The following IL17C variants were observed in gnomAD, a reference collection of about 807,000 sequenced individuals.
IL17C encodes interleukin-17C.
A neutral mutation model predicts 11.0 loss-of-function variants in IL17C; 13 were observed. That is an observed-to-expected ratio of 1.18 (90% CI 0.77 to 1.88). The LOEUF (loss-of-function observed/expected upper bound fraction) is 1.88, where lower values mean the gene tolerates loss of function less well. IL17C is among the 40% of genes most tolerant of loss of function. The probability of loss-of-function intolerance (pLI) is 0.00; values close to 1 mark genes in which losing one functional copy is unlikely to be tolerated. For synonymous variants in IL17C, 150 were observed against 125.8 expected (o/e 1.19, Z -1.29); for missense variants, 357 against 278.2 (o/e 1.28, Z -2.01).
chr16:88,639,162 C>G lies in IL17C; in HGVS notation c.188C>G (p.Pro63Arg). The change falls in exon 2 of 3, where the codon CCT becomes CGT. Residue 63 changes from proline (P) to arginine (R), a missense_variant. Pro to Arg is a moderately radical substitution (Grantham distance 103). Coordinates refer to ENST00000244241, the MANE Select transcript of IL17C (RefSeq NM_013278.4). The surrounding 1 kb of genome is among the most constrained non-coding windows in gnomAD (Gnocchi z 5.1). ...ARGAKWGQALPVALVSSLEAA... is the reference protein window; with the variant it reads ...ARGAKWGQALRVALVSSLEAA... ...GGTGCCAAGTGGGGGCAGGCTTTGC[C>G]TGTAGCCCTGGTGTCCAGCCTGGAG... 4 of 1,612,914 alleles carry G rather than the reference C, an allele frequency of 2.5e-6. No individual in the cohort carries two copies. Among genetic ancestry groups the G allele is most frequent in the Non-Finnish European group, 3.4e-6 (4 of 1,179,920 alleles).
chr16:88,638,805 C>A, intron 1 of IL17C, 158 bp downstream of exon 1: 1 of 1,257,224 alleles, frequency 8.0e-7, no homozygotes, highest in Non-Finnish European at 1.2e-6. Flanking sequence ...ATCCTCGGAG[C>A]GCTGGCATGC....
Position 88,640,090 on chromosome 16 carries a change from C to T in IL17C, c.*18C>T, listed in dbSNP as rs371162968. The T allele has an allele frequency of 4.4e-5, 68 of 1,530,976 alleles. No individual in the cohort carries two copies. Among genetic ancestry groups the T allele is most frequent in the Non-Finnish European group, 5.8e-5 (66 of 1,138,404 alleles). 94.8% of individuals were successfully genotyped at this position (1,530,976 alleles called of 1,614,324 possible). ...CAGTGTGACCGCCGAGGCCGTGGGG[C>T]CCCTAGACTGGACACGTGTGCTCCC... is the stretch of plus-strand genomic sequence containing the variant. On this transcript the variant is annotated 3_prime_UTR_variant, in exon 3 of 3. Transcript: ENST00000244241.
rs548616717 is a variant in IL17C, at chr16:88,639,913, G to A, written c.435G>A (p.Ala145=). The change falls in exon 3 of 3, where the codon GCG becomes GCA. Residue 145 remains alanine, a synonymous_variant. Coordinates refer to ENST00000244241, the MANE Select transcript of IL17C (RefSeq NM_013278.4). This position sits in a 1 kb window ranked among gnomAD's most constrained non-coding sequence, Gnocchi z 5.1. ...IDARTGRETA[A]LNSVRLLQSL... ...CACGGACGGGCCGCGAGACAGCTGC[G>A]CTCAACTCCGTGCGGCTGCTCCAGA... 360 of 1,610,278 alleles carry A rather than the reference G, an allele frequency of 2.2e-4. 2 individuals carry two copies. The Middle Eastern group carries it at 3.5e-3, about 16-fold the overall frequency.
intron 1 of IL17C, 23 bp downstream of exon 1, chr16:88,638,670 C>G (rs200672338): frequency 6.2e-7 from 1 of 1,613,002 alleles, no homozygotes; most frequent in Non-Finnish European, 8.5e-7. Flanking sequence ...ACATGCCGCT[C>G]GGATGGATGC....
At chr16:88,638,772 G>A in intron 1 of IL17C, 125 bp downstream of exon 1, 1 of 1,448,716 alleles carries the variant, frequency 6.9e-7, no homozygotes, top group Non-Finnish European at 9.7e-7. Context: ...CCCTCAGTCT[G>A]GGGGTAGGGG....
rs1244044381 is a variant in IL17C, at chr16:88,640,399, C to T, written c.*327C>T. The T allele has an allele frequency of 1.2e-5, 4 of 346,228 alleles. No homozygotes were observed. The highest frequency in any genetic ancestry group is 4.3e-5 in the Admixed American group (1 of 23,216). 21.4% of individuals were successfully genotyped at this position (346,228 alleles called of 1,614,324 possible). ...CCCCCGCAGGCTGCCTCTTCCCAACCTCCTTGGAAGTACCCCTGTTTCTTA... is the reference window on the plus strand; with the variant it reads ...CCCCCGCAGGCTGCCTCTTCCCAACTTCCTTGGAAGTACCCCTGTTTCTTA... On this transcript the variant is annotated 3_prime_UTR_variant, in exon 3 of 3. Coordinates refer to ENST00000244241, the MANE Select transcript of IL17C (RefSeq NM_013278.4).
intron 1 of IL17C, 117 bp downstream of exon 1, chr16:88,638,764 C>T: frequency 6.6e-7 from 1 of 1,517,096 alleles, no homozygotes; most frequent in Non-Finnish European, 9.1e-7. Flanking sequence ...TGGGAAACCC[C>T]TCAGTCTGGG....
chr16:88,638,773 G>C, intron 1 of IL17C, 126 bp downstream of exon 1: 2 of 1,463,944 alleles, frequency 1.4e-6, no homozygotes, highest in South Asian at 1.1e-5. Flanking sequence ...CCTCAGTCTG[G>C]GGGTAGGGGA....
At position 88,639,760 on chromosome 16, in the gene IL17C, G is replaced by A. The variant is rs1208603571; in HGVS notation, c.336-54G>A. 2.7e-6 allele frequency: 4 copies of A among 1,468,176 alleles called. No homozygotes were observed. In the South Asian group the frequency reaches 5.4e-5, roughly 20 times the overall value. 90.9% of individuals were successfully genotyped at this position (1,468,176 alleles called of 1,614,324 possible). On this transcript the variant is annotated intron_variant, in intron 2 of 2. Coordinates refer to ENST00000244241, the MANE Select transcript of IL17C (RefSeq NM_013278.4). The surrounding 1 kb of genome is among the most constrained non-coding windows in gnomAD (Gnocchi z 5.1). ...GGAGAGGGGCCCTGAGGGGAGAGGG[G>A]CCTCCAGGAGGACAGGGTAGGGCCA...
chr16:88,639,801 C>T lies in IL17C; in HGVS notation c.336-13C>T, dbSNP rs781634397. 2 of 1,530,636 alleles carry T rather than the reference C, an allele frequency of 1.3e-6. No homozygotes were observed. Among genetic ancestry groups the T allele is most frequent in the African/African-American group, 1.4e-5 (1 of 73,244 alleles). 94.8% of individuals were successfully genotyped at this position (1,530,636 alleles called of 1,614,324 possible). A position where few individuals can be genotyped will look rare whatever the true frequency, so the allele number is the denominator to read the frequency against. ...GGTAGGGCCAGAGACTCACTGTGCA[C>T]CCCGTCCCGCAGTGTGGACACGGAT... On this transcript the variant is annotated splice_polypyrimidine_tract_variant and intron_variant, in intron 2 of 2. Transcript: ENST00000244241. The surrounding 1 kb of genome is among the most constrained non-coding windows in gnomAD (Gnocchi z 5.1).
At position 88,639,105 on chromosome 16, in the gene IL17C, T is replaced by C; in HGVS notation, c.131T>C (p.Leu44Pro). 6.2e-7 allele frequency: 1 copy of C among 1,613,080 alleles called. No homozygotes were observed. Among genetic ancestry groups the C allele is most frequent in the Non-Finnish European group, 8.5e-7 (1 of 1,179,926 alleles). The change falls in exon 2 of 3, where the codon CTC (leucine) becomes CCC (proline). Residue 44 changes from leucine (L) to proline (P), a missense_variant. By Grantham distance (98) the Leu-to-Pro change is moderately conservative. Transcript: ENST00000244241. The surrounding 1 kb of genome is among the most constrained non-coding windows in gnomAD (Gnocchi z 5.1). Reference protein sequence around the residue: ...PHCYSAEELPLGQAPPHLLAR... With the variant: ...PHCYSAEELPPGQAPPHLLAR... The stretch of plus-strand genomic sequence containing the variant: ...TGCTACTCGGCTGAGGAACTGCCCC[T>C]CGGCCAGGCCCCCCCACACCTGCTG...
At position 88,640,161 on chromosome 16, in the gene IL17C, C is replaced by G; in HGVS notation, c.*89C>G. 2 of 1,395,514 alleles carry G rather than the reference C, an allele frequency of 1.4e-6. No homozygotes were observed. Among genetic ancestry groups the G allele is most frequent in the Admixed American group, 2.4e-5 (1 of 41,790 alleles). The allele number at this position is 1,395,514 out of a possible 1,614,324, so 86.4% of individuals were successfully genotyped here. On this transcript the variant is annotated 3_prime_UTR_variant, in exon 3 of 3. Transcript: ENST00000244241. ...TGTGTATTTATTGTTATTTATATGC[C>G]TCCCCCAACACTACCCTTGGGGTCT...
chr16:88,639,775 G>A lies in IL17C; in HGVS notation c.336-39G>A. The A allele has an allele frequency of 6.7e-7, 1 of 1,497,454 alleles. No homozygotes were observed. The highest frequency in any genetic ancestry group is 1.3e-5 in the South Asian group (1 of 76,842). The allele number at this position is 1,497,454 out of a possible 1,614,324, so 92.8% of individuals were successfully genotyped here. On this transcript the variant is annotated intron_variant, in intron 2 of 2. Transcript: ENST00000244241. The surrounding 1 kb of genome is among the most constrained non-coding windows in gnomAD (Gnocchi z 5.1). ...GGGGAGAGGGGCCTCCAGGAGGACA[G>A]GGTAGGGCCAGAGACTCACTGTGCA...
chr16:88,639,681 C>A lies in IL17C; in HGVS notation c.336-133C>A. 8.8e-7 allele frequency: 1 copy of A among 1,140,608 alleles called. No individual in the cohort carries two copies. Among genetic ancestry groups the A allele is most frequent in the East Asian group, 2.6e-5 (1 of 38,006 alleles). 70.7% of individuals were successfully genotyped at this position (1,140,608 alleles called of 1,614,324 possible). ...ACCACCACATGTGAGCCCGACTGCA[C>A]CCCAAGCCCGTGTGGCTCAGCCCTC... On this transcript the variant is annotated intron_variant, in intron 2 of 2. Transcript: ENST00000244241. The surrounding 1 kb of genome is among the most constrained non-coding windows in gnomAD (Gnocchi z 5.1).
In IL17C at chr16:88,639,160, G is replaced by C. The variant is rs748155730; in HGVS notation, c.186G>C (p.Leu62Phe). 1.2e-6 allele frequency: 2 copies of C among 1,612,938 alleles called. No individual in the cohort carries two copies. Among genetic ancestry groups the C allele is most frequent in the South Asian group, 2.2e-5 (2 of 91,084 alleles). The change falls in exon 2 of 3, where the codon TTG becomes TTC. Residue 62 changes from leucine to phenylalanine, a missense_variant. Leu to Phe is a conservative substitution (Grantham distance 22, BLOSUM62 0). Coordinates refer to ENST00000244241, the MANE Select transcript of IL17C (RefSeq NM_013278.4). The surrounding 1 kb of genome is among the most constrained non-coding windows in gnomAD (Gnocchi z 5.1). ...LARGAKWGQALPVALVSSLEA... is the reference protein window; with the variant it reads ...LARGAKWGQAFPVALVSSLEA... ...GAGGTGCCAAGTGGGGGCAGGCTTT[G>C]CCTGTAGCCCTGGTGTCCAGCCTGG...
chr16:88,639,756 AG>A lies in IL17C; in HGVS notation c.336-54del. ...ACACGGAGAGGGGCCCTGAGGGGAG[AG>A]GGGCCTCCAGGAGGACAGGGTAGGG... On this transcript the variant is annotated intron_variant, in intron 2 of 2. Transcript: ENST00000244241. This position sits in a 1 kb window ranked among gnomAD's most constrained non-coding sequence, Gnocchi z 5.1. The A allele has an allele frequency of 6.8e-7, 1 of 1,463,194 alleles. No homozygotes were observed. 90.6% of individuals were successfully genotyped at this position (1,463,194 alleles called of 1,614,324 possible). A position where few individuals can be genotyped will look rare whatever the true frequency, so the allele number is the denominator to read the frequency against.
Position 88,639,891 on chromosome 16 carries a change from G to T in IL17C, c.413G>T (p.Arg138Leu), listed in dbSNP as rs376022223. The T allele has an allele frequency of 3.1e-6, 5 of 1,608,290 alleles. No homozygotes were observed. In the East Asian group the frequency reaches 6.7e-5, roughly 22 times the overall value. ...CTGTGCAGAGGCTGTATCGATGCACGGACGGGCCGCGAGACAGCTGCGCTC... is the reference window on the plus strand; with the variant it reads ...CTGTGCAGAGGCTGTATCGATGCACTGACGGGCCGCGAGACAGCTGCGCTC... Reference protein sequence around the residue: ...ECLCRGCIDARTGRETAALNS... With the variant: ...ECLCRGCIDALTGRETAALNS... The change falls in exon 3 of 3, where the codon CGG (arginine) becomes CTG (leucine). Residue 138 changes from arginine (R) to leucine (L), a missense_variant. Arg to Leu is a moderately radical substitution (Grantham distance 102). Transcript: ENST00000244241. The surrounding 1 kb of genome is among the most constrained non-coding windows in gnomAD (Gnocchi z 5.1).
In IL17C at chr16:88,640,018, C is replaced by A. The variant is rs201677988; in HGVS notation, c.540C>A (p.Thr180=). ...CACCTGGGGCCTTTGCCTTCCACAC[C>A]GAGTTCATCCACGTCCCCGTCGGCT... is the stretch of plus-strand genomic sequence containing the variant. ...LPTPGAFAFH[T]EFIHVPVGCT... is the part of the protein sequence containing the mutation. The change falls in exon 3 of 3, where the codon ACC becomes ACA. Residue 180 remains threonine, a synonymous_variant. Coordinates refer to ENST00000244241, the MANE Select transcript of IL17C (RefSeq NM_013278.4). 4 of 1,600,280 alleles carry A rather than the reference C, an allele frequency of 2.5e-6. No homozygotes were observed. The highest frequency in any genetic ancestry group is 2.2e-5 in the East Asian group (1 of 44,604).
Position 88,639,763 on chromosome 16 carries a change from T to A in IL17C, c.336-51T>A. The A allele has an allele frequency of 6.8e-7, 1 of 1,472,220 alleles. No individual in the cohort carries two copies. The highest frequency in any genetic ancestry group is 9.0e-7 in the Non-Finnish European group (1 of 1,109,248). The allele number at this position is 1,472,220 out of a possible 1,614,324, so 91.2% of individuals were successfully genotyped here. The stretch of plus-strand genomic sequence containing the variant: ...GAGGGGCCCTGAGGGGAGAGGGGCC[T>A]CCAGGAGGACAGGGTAGGGCCAGAG... On this transcript the variant is annotated intron_variant, in intron 2 of 2. Transcript: ENST00000244241. The surrounding 1 kb of genome is among the most constrained non-coding windows in gnomAD (Gnocchi z 5.1).
Sources: allele counts gnomAD v4.1 joint callset, GRCh38; gene constraint gnomAD v4.1.1; non-coding constraint Gnocchi (gnomAD v3.1); transcripts MANE v1.5; gene names NCBI Gene and HGNC (gene_info 2026-07-23, HGNC 2026-07-21).